Variants in PTPRD observed in about 807,000 individuals in gnomAD.
PTPRD encodes protein tyrosine phosphatase receptor type D, also known as receptor-type tyrosine-protein phosphatase delta.
PTPRD carries 34 observed loss-of-function variants against 214.5 expected under a neutral mutation model. That is an observed-to-expected ratio of 0.16 (90% CI 0.12 to 0.21). PTPRD has a LOEUF of 0.21. PTPRD is among the 10% of genes least tolerant of loss of function. The probability of loss-of-function intolerance (pLI) is 1.00; values close to 1 mark genes in which losing one functional copy is unlikely to be tolerated. For synonymous variants in PTPRD, 1,128 were observed against 845.7 expected, an observed-to-expected ratio of 1.33 and a Z score of -5.79; for missense variants, 2,545 against 2,398.7, an observed-to-expected ratio of 1.06 and a Z score of -1.27.
At chr9:10,262,014 C>A (rs1177575358) in intron 3 of PTPRD, among the ~76,000 whole-genome samples, 15 of 152,048 alleles carry the variant, frequency 9.9e-5, no homozygotes, top group African/African-American at 3.6e-4. Flanking sequence ...TATTTGATTG[C>A]CCCACAATCA....
intron 4 of PTPRD, among the ~76,000 whole-genome samples, chr9:9,972,598 G>C (rs2095168975): frequency 6.6e-6 from 1 of 152,128 alleles, no homozygotes; most frequent in Non-Finnish European, 1.5e-5. Flanking sequence ...TAGCTTGAAA[G>C]AACACAAATT....
intron 2 of PTPRD, among the ~76,000 whole-genome samples, chr9:10,427,951 G>C (rs2098639383): frequency 6.6e-6 from 1 of 152,074 alleles, no homozygotes; most frequent in African/African-American, 2.4e-5. Flanking sequence ...GTTTTCCACA[G>C]TTGCATGCAT....
At chr9:8,343,268 T>C (rs995222386) in intron 39 of PTPRD, among the ~76,000 whole-genome samples, 6 of 152,118 alleles carry the variant, frequency 3.9e-5, no homozygotes, top group Non-Finnish European at 8.8e-5. Context: ...GAATTTGATA[T>C]AACCACTACT....
chr9:10,330,964 T>C (rs1206976657), intron 3 of PTPRD, among the ~76,000 whole-genome samples: 2 of 151,822 alleles, frequency 1.3e-5, no homozygotes, highest in Non-Finnish European at 2.9e-5. Flanking sequence ...CCAGTTTATC[T>C]TTATGGGTCC....
chr9:9,648,979 AGT>A (rs1179128942), intron 7 of PTPRD, among the ~76,000 whole-genome samples: 1 of 151,998 alleles, frequency 6.6e-6, no homozygotes, highest in Non-Finnish European at 1.5e-5. Flanking sequence ...ATATCATAGG[AGT>A]GTCTGCATTT....
intron 5 of PTPRD, among the ~76,000 whole-genome samples, chr9:9,865,941 T>A (rs75883886): frequency 6.6e-6 from 1 of 152,284 alleles, no homozygotes; most frequent in African/African-American, 2.4e-5. Context: ...CGTCCCTCAG[T>A]GTGTTCCTCC....
chr9:8,638,099 CCTT>C (rs1261619418), intron 12 of PTPRD, among the ~76,000 whole-genome samples: 3 of 140,984 alleles, frequency 2.1e-5, no homozygotes, highest in Non-Finnish European at 4.5e-5. Flanking sequence ...TTTTGCTGTT[CCTT>C]CTTTTTTTTT....
At chr9:9,963,185 A>G (rs935713441) in intron 4 of PTPRD, among the ~76,000 whole-genome samples, 37 of 152,124 alleles carry the variant, frequency 2.4e-4, no homozygotes. Flanking sequence ...ATAATACAAT[A>G]CTGAGATTTA....
At chr9:8,684,053 A>T (rs2097615368) in intron 12 of PTPRD, among the ~76,000 whole-genome samples, 1 of 152,076 alleles carries the variant, frequency 6.6e-6, no homozygotes, top group Admixed American at 6.5e-5. Flanking sequence ...CCCTCCTTAG[A>T]GTCTTCTCAT....
intron 4 of PTPRD, among the ~76,000 whole-genome samples, chr9:9,962,700 G>A (rs917201560): frequency 4.6e-5 from 7 of 151,940 alleles, no homozygotes; most frequent in Non-Finnish European, 8.8e-5. Flanking sequence ...ATTGTTGTAT[G>A]TATCTACATC....
intron 10 of PTPRD, among the ~76,000 whole-genome samples, chr9:9,168,905 G>A (rs1393353178): frequency 6.6e-6 from 1 of 150,916 alleles, no homozygotes; most frequent in South Asian, 2.1e-4. Context: ...TATTTTTTTT[G>A]TAGTGAAGTA....
At chr9:9,572,732 A>G (rs1274221454) in intron 8 of PTPRD, among the ~76,000 whole-genome samples, 2 of 151,012 alleles carry the variant, frequency 1.3e-5, no homozygotes, top group Non-Finnish European at 3.0e-5. Flanking sequence ...TAATCTAGTA[A>G]GAAAAAAAAG....
At chr9:9,407,752 A>G (rs1587533947) in intron 8 of PTPRD, among the ~76,000 whole-genome samples, 1 of 151,824 alleles carries the variant, frequency 6.6e-6, no homozygotes, top group East Asian at 1.9e-4. Flanking sequence ...GCAAGGAATA[A>G]ATTATCTAAC....
At chr9:8,335,328 C>G (rs1441305855) in intron 43 of PTPRD, among the ~76,000 whole-genome samples, 1 of 152,034 alleles carries the variant, frequency 6.6e-6, no homozygotes, top group African/African-American at 2.4e-5. Context: ...GGATGCAAGG[C>G]TTGTTCAACA....
intron 12 of PTPRD, among the ~76,000 whole-genome samples, chr9:8,668,062 T>G (rs2097204100): frequency 6.6e-6 from 1 of 152,124 alleles, no homozygotes; most frequent in African/African-American, 2.4e-5. Context: ...TTTGCAAAAG[T>G]GAAGATACCC....
At chr9:10,061,324 G>C (rs920125989) in intron 3 of PTPRD, among the ~76,000 whole-genome samples, 39 of 151,998 alleles carry the variant, frequency 2.6e-4, no homozygotes, top group African/African-American at 8.9e-4. Flanking sequence ...AAATAGAATG[G>C]AAAGGACCTA....
At chr9:8,589,566 T>C (rs1028480801) in intron 14 of PTPRD, among the ~76,000 whole-genome samples, 5 of 152,316 alleles carry the variant, frequency 3.3e-5, no homozygotes, top group Admixed American at 2.0e-4. Context: ...GGAGTAGGAA[T>C]TCACTGTCAC....
At chr9:9,445,851 G>T (rs1008338757) in intron 8 of PTPRD, among the ~76,000 whole-genome samples, 1 of 152,022 alleles carries the variant, frequency 6.6e-6, no homozygotes, top group Non-Finnish European at 1.5e-5. Flanking sequence ...AAAGTATAGT[G>T]GTAATATTAC....
intron 2 of PTPRD, among the ~76,000 whole-genome samples, chr9:10,508,623 G>T (rs1310479785): frequency 4.6e-5 from 7 of 152,168 alleles, no homozygotes; most frequent in South Asian, 4.2e-4. Context: ...CCATAAAAAA[G>T]GATGAGTTGA....
Sources: allele counts gnomAD v4.1 joint callset (sites outside exome capture counted in the v4.1 genomes callset), GRCh38; gene constraint gnomAD v4.1.1; transcripts MANE v1.5; gene names NCBI Gene and HGNC (gene_info 2026-07-23, HGNC 2026-07-21).